RIMS1: variants seen among roughly 807,000 people sequenced by gnomAD.
RIMS1 encodes the protein regulating synaptic membrane exocytosis 1.
Under a neutral mutation model 214.1 loss-of-function variants are expected in RIMS1, and 83 were observed. That is an observed-to-expected ratio of 0.39 (90% CI 0.32 to 0.47). The LOEUF is 0.47. Ranked by LOEUF, RIMS1 falls within the 20% of genes least tolerant of loss-of-function variation. The pLI is 0.99. For synonymous variants in RIMS1, 793 were observed against 786.8 expected, an observed-to-expected ratio of 1.01 and a Z score of -0.13; for missense variants, 2,050 against 2,161.8, an observed-to-expected ratio of 0.95 and a Z score of 1.03.
At chr6:72,223,787 A>C (rs2059297608) in intron 6 of RIMS1, among the ~76,000 whole-genome samples, 1 of 151,908 alleles carries the variant, frequency 6.6e-6, no homozygotes, top group Non-Finnish European at 1.5e-5. Context: ...CTATACTAAA[A>C]ATACAAAAAA....
chr6:72,318,456 A>G (rs557618353), intron 28 of RIMS1, among the ~76,000 whole-genome samples: 1 of 152,306 alleles, frequency 6.6e-6, no homozygotes, highest in East Asian at 1.9e-4. Context: ...AAAAAAAATG[A>G]CTGTCATATG....
At chr6:72,215,736 A>C (rs1345479814) in intron 6 of RIMS1, among the ~76,000 whole-genome samples, 1 of 152,022 alleles carries the variant, frequency 6.6e-6, no homozygotes, top group Non-Finnish European at 1.5e-5. Flanking sequence ...TTGGGAAAAG[A>C]AAAAAAAGCA....
At chr6:71,973,997 G>A (rs545147812) in intron 2 of RIMS1, among the ~76,000 whole-genome samples, 16 of 152,288 alleles carry the variant, frequency 1.1e-4, no homozygotes, top group African/African-American at 3.4e-4. Flanking sequence ...GGTGGTCCCT[G>A]TGGCATATCT....
At chr6:72,398,161 CTG>C in intron 31 of RIMS1, 86 bp from the exon 32 acceptor site, 1 of 720,250 alleles carries the variant, frequency 1.4e-6, no homozygotes, top group Non-Finnish European at 2.4e-6. Context: ...AGATAAAAAT[CTG>C]TAGTCTGTTA....
chr6:72,173,603 C>T lies in RIMS1; in HGVS notation c.472-5972C>T, dbSNP rs570639711. Among the ~76,000 whole-genome samples, 77 of 152,150 alleles carry T rather than the reference C, an allele frequency of 5.1e-4. 1 individual carries two copies. The South Asian group carries it at 0.016, about 31-fold the overall frequency. On this transcript the variant is annotated intron_variant, in intron 4 of 33. Transcript: ENST00000521978. ...ATTTTAAAAGCTCTTTTAAGGTTGA[C>T]ATCTGAACACTAATTAAAGGTTATT... is the stretch of plus-strand genomic sequence containing the variant.
At chr6:72,164,178 G>C (rs370162672) in intron 4 of RIMS1, among the ~76,000 whole-genome samples, 154 of 152,270 alleles carry the variant, frequency 1.0e-3, no homozygotes, top group South Asian at 8.1e-3. Flanking sequence ...GTGGGCATAG[G>C]ACCCTCCGAG....
At chr6:71,949,020 C>T (rs570729418) in intron 1 of RIMS1, among the ~76,000 whole-genome samples, 1 of 152,322 alleles carries the variant, frequency 6.6e-6, no homozygotes, top group South Asian at 2.1e-4. Flanking sequence ...TCAAGTACAA[C>T]CATCATATGT....
intron 27 of RIMS1, among the ~76,000 whole-genome samples, chr6:72,311,718 A>G (rs2095520698): frequency 6.6e-6 from 1 of 152,108 alleles, no homozygotes. Context: ...AAGAAATAAA[A>G]ATCACATTTA....
intron 4 of RIMS1, among the ~76,000 whole-genome samples, chr6:72,116,882 G>A (rs1278913457): frequency 6.6e-6 from 1 of 151,808 alleles, no homozygotes; most frequent in African/African-American, 2.4e-5. Flanking sequence ...AATATTTATT[G>A]AGCACATAAT....
chr6:72,313,738 CCTGAATATTTTTT>C, intron 28 of RIMS1, 66 bp downstream of exon 28: 2 of 1,457,342 alleles, frequency 1.4e-6, no homozygotes, highest in Non-Finnish European at 1.8e-6. Context: ...CAACTAGCTT[CCTGAATATTTTTT>C]CTATAATACA....
intron 26 of RIMS1, among the ~76,000 whole-genome samples, chr6:72,302,340 A>G (rs1473237757): frequency 6.6e-6 from 1 of 151,708 alleles, no homozygotes; most frequent in Non-Finnish European, 1.5e-5. Flanking sequence ...TGAATTTTCA[A>G]ATAAACCATC....
chr6:71,962,240 A>G (rs1359538730), intron 1 of RIMS1, among the ~76,000 whole-genome samples: 1 of 152,078 alleles, frequency 6.6e-6, no homozygotes, highest in Admixed American at 6.5e-5. Context: ...CCAAAACTTA[A>G]AATCTCTTAT....
intron 29 of RIMS1, among the ~76,000 whole-genome samples, chr6:72,373,461 T>C (rs1222845377): frequency 1.3e-5 from 2 of 152,210 alleles, no homozygotes; most frequent in African/African-American, 4.8e-5. Flanking sequence ...TTGTGTGTGA[T>C]TAACACTGAA....
chr6:72,105,377 T>C (rs990367768), intron 4 of RIMS1, among the ~76,000 whole-genome samples: 1 of 152,146 alleles, frequency 6.6e-6, no homozygotes. Flanking sequence ...GCCAAGATGC[T>C]CTCTTTCTGT....
intron 4 of RIMS1, among the ~76,000 whole-genome samples, chr6:72,102,821 CA>C (rs1665785633): frequency 6.6e-6 from 1 of 152,012 alleles, no homozygotes; most frequent in Non-Finnish European, 1.5e-5. Context: ...GAAAAATAAC[CA>C]TTTTTAAAAT....
At chr6:72,376,346 C>G (rs937572763) in intron 29 of RIMS1, among the ~76,000 whole-genome samples, 2 of 152,176 alleles carry the variant, frequency 1.3e-5, no homozygotes, top group South Asian at 2.1e-4. Flanking sequence ...TCCCAGTCCC[C>G]GGTGTGTTAA....
At chr6:72,093,476 T>G (rs568042432) in intron 2 of RIMS1, among the ~76,000 whole-genome samples, 1 of 152,092 alleles carries the variant, frequency 6.6e-6, no homozygotes, top group Non-Finnish European at 1.5e-5. Flanking sequence ...TCTGTTTGTT[T>G]TTCTTAATAA....
chr6:72,221,885 T>C (rs1039728931), intron 6 of RIMS1, among the ~76,000 whole-genome samples: 4 of 151,960 alleles, frequency 2.6e-5, no homozygotes, highest in Admixed American at 2.0e-4. Context: ...GCATTTGGGT[T>C]GGTTTTTACG....
At chr6:71,920,347 A>G (rs1373708395) in intron 1 of RIMS1, among the ~76,000 whole-genome samples, 1 of 152,238 alleles carries the variant, frequency 6.6e-6, no homozygotes, top group East Asian at 1.9e-4. Context: ...GGTTGATTTC[A>G]TAGTACAATA....
Sources: gnomAD v4.1 joint callset for allele counts (sites outside exome capture counted in the v4.1 genomes callset) on GRCh38, gnomAD v4.1.1 for gene constraint, MANE v1.5 for transcripts, NCBI Gene and HGNC (gene_info 2026-07-23, HGNC 2026-07-21) for gene names.